GPI: variants seen among roughly 807,000 people sequenced by gnomAD.
GPI encodes glucose-6-phosphate isomerase.
Under a neutral mutation model 75.8 loss-of-function variants are expected in GPI, and 56 were observed. The observed-to-expected ratio is 0.74, with a 90% CI of 0.60 to 0.92. GPI has a LOEUF of 0.92. Ranked by LOEUF, GPI falls within the 40% of genes least tolerant of loss-of-function variation. The probability of loss-of-function intolerance (pLI) is 0.00; values close to 1 mark genes in which losing one functional copy is unlikely to be tolerated. For missense variants in GPI, 638 were observed against 741.0 expected (o/e 0.86, Z 1.61); for synonymous variants, 288 against 285.4 (o/e 1.01, Z -0.09).
chr19:34,365,007 G>A (rs559864276), upstream of GPI: 1 of 1,533,134 alleles, frequency 6.5e-7, no homozygotes, highest in Non-Finnish European at 8.7e-7. Context: ...CCAGCAAAGC[G>A]GCGGCGCAAG....
chr19:34,367,064 A>C lies in GPI; in HGVS notation c.282+213A>C, dbSNP rs8191363. On this transcript the variant is annotated intron_variant, in intron 3 of 17. Transcript: ENST00000356487. ...TGGTGAGCTCCTTGGAATGGTTCCC[A>C]GTGTCTGCCTGGGAGGAGCATATCT... 3.5e-3 allele frequency: 2,418 copies of C among 694,160 alleles called. 37 individuals are homozygous for C. The highest frequency in any genetic ancestry group is 0.034 in the African/African-American group (1,917 of 57,174). 43.0% of individuals were successfully genotyped at this position (694,160 alleles called of 1,614,324 possible).
intron 4 of GPI, 39 bp from the exon 5 acceptor site, chr19:34,377,464 T>C: frequency 5.5e-6 from 8 of 1,458,528 alleles, no homozygotes; most frequent in Non-Finnish European, 7.7e-6. Context: ...GGATTATGCC[T>C]GGGGGTTTGG....
chr19:34,390,226 G>C (rs939647083), intron 9 of GPI, among the ~76,000 whole-genome samples: 1 of 152,102 alleles, frequency 6.6e-6, no homozygotes, highest in African/African-American at 2.4e-5. Flanking sequence ...GAGGATGTGG[G>C]GCCTGGCACA....
intron 3 of GPI, among the ~76,000 whole-genome samples, chr19:34,367,566 A>T (rs2074385754): frequency 6.6e-6 from 1 of 152,184 alleles, no homozygotes; most frequent in African/African-American, 2.4e-5. Flanking sequence ...GTGGGGTGGC[A>T]TGAAGCCCTC....
Position 34,399,249 on chromosome 19 carries a change from A to G in GPI, c.1312A>G (p.Arg438Gly), listed in dbSNP as rs753561909. Reference sequence around the variant, plus strand: ...CTTGGCCCAGACAGAGGCCCTGATGAGGGGAAAATCGACGGAGGAGGCCCG... The same window carrying G: ...CTTGGCCCAGACAGAGGCCCTGATGGGGGGAAAATCGACGGAGGAGGCCCG... ...NFLAQTEALM[R>G]GKSTEEARKE... is the part of the protein sequence containing the mutation. The change falls in exon 15 of 18, where the codon AGG becomes GGG. Residue 438 changes from arginine (R) to glycine (G), a missense_variant. Physicochemically the swap from Arg to Gly is moderately radical, Grantham distance 125. Coordinates refer to ENST00000356487, the MANE Select transcript of GPI (RefSeq NM_000175.5). The G allele has an allele frequency of 6.2e-7, 1 of 1,613,828 alleles. No individual in the cohort carries two copies. The highest frequency in any genetic ancestry group is 1.7e-5 in the Admixed American group (1 of 60,026).
Position 34,377,736 on chromosome 19 carries a change from G to T in GPI, c.488G>T (p.Gly163Val). The change falls in exon 6 of 18, where the codon GGA becomes GTA. Residue 163 changes from glycine to valine, a missense_variant and splice_region_variant. Gly to Val is a moderately radical substitution (Grantham distance 109). Transcript: ENST00000356487. Reference protein sequence around the residue: ...INIGIGGSDLGPLMVTEALKP... With the variant: ...INIGIGGSDLVPLMVTEALKP... ...CTCTGATGCTATGTCTCCCCGCAGG[G>T]ACCCCTCATGGTGACTGAAGCCCTT... 1.2e-6 allele frequency: 2 copies of T among 1,613,912 alleles called. No homozygotes were observed. The highest frequency in any genetic ancestry group is 1.7e-6 in the Non-Finnish European group (2 of 1,179,920).
At chr19:34,383,143 A>G (rs1374407471) in intron 9 of GPI, among the ~76,000 whole-genome samples, 2 of 152,100 alleles carry the variant, frequency 1.3e-5, no homozygotes, top group African/African-American at 4.8e-5. Flanking sequence ...GGGTGTCGGG[A>G]TCAGGCAGGG....
chr19:34,384,008 G>T (rs2074695198), intron 9 of GPI, among the ~76,000 whole-genome samples: 2 of 152,166 alleles, frequency 1.3e-5, no homozygotes, highest in Admixed American at 1.3e-4. Context: ...TGTATGGCTG[G>T]GTTTCTAGGG....
chr19:34,381,490 G>C lies in GPI; in HGVS notation c.775G>C (p.Asp259His). The change falls in exon 9 of 18, where the codon GAC (aspartate) becomes CAC (histidine). Residue 259 changes from aspartate to histidine, a missense_variant. Asp to His is a moderately conservative substitution (Grantham distance 81). Coordinates refer to ENST00000356487, the MANE Select transcript of GPI (RefSeq NM_000175.5). Reference sequence around the variant, plus strand: ...GACCAAAGTGAAGGAGTTTGGAATTGACCCTCAAAACATGTTCGAGTTCTG... The same window carrying C: ...GACCAAAGTGAAGGAGTTTGGAATTCACCCTCAAAACATGTTCGAGTTCTG... The part of the protein sequence containing the change: ...NTTKVKEFGI[D>H]PQNMFEFWDW... 1.2e-6 allele frequency: 2 copies of C among 1,600,422 alleles called. No individual in the cohort carries two copies. Among genetic ancestry groups the C allele is most frequent in the East Asian group, 2.2e-5 (1 of 44,790 alleles).
chr19:34,362,046 C>T (rs563398612), upstream of GPI, among the ~76,000 whole-genome samples: 4 of 143,882 alleles, frequency 2.8e-5, no homozygotes, highest in East Asian at 4.2e-4. Context: ...ACCAGGGAGT[C>T]GGAGGTTGCA....
chr19:34,388,844 T>A (rs1327035662), intron 9 of GPI, among the ~76,000 whole-genome samples: 17 of 152,076 alleles, frequency 1.1e-4, no homozygotes, highest in Admixed American at 1.1e-3. Context: ...ATGGCTGTAA[T>A]CCCTGAGCTT....
At chr19:34,378,848 G>A in intron 6 of GPI, 86 bp from the exon 7 acceptor site, 4 of 934,030 alleles carry the variant, frequency 4.3e-6, no homozygotes, top group Non-Finnish European at 3.6e-6. Context: ...GCTGGGCATT[G>A]CCTTGGCCTC....
chr19:34,385,990 C>CCA (rs2074728872), intron 9 of GPI, among the ~76,000 whole-genome samples: 1 of 151,088 alleles, frequency 6.6e-6, no homozygotes, highest in African/African-American at 2.4e-5. Flanking sequence ...AGCTGGCCCA[C>CCA]TGGGTGTGGT....
chr19:34,374,769 G>A (rs374098273), intron 4 of GPI, among the ~76,000 whole-genome samples: 6 of 142,672 alleles, frequency 4.2e-5, no homozygotes, highest in East Asian at 2.0e-4. Context: ...TCACACTGTC[G>A]CCCAGGCTGG....
At chr19:34,386,008 G>A (rs953528052) in intron 9 of GPI, among the ~76,000 whole-genome samples, 2 of 151,578 alleles carry the variant, frequency 1.3e-5, no homozygotes, top group Admixed American at 1.3e-4. Context: ...GGTTTGAGGA[G>A]CCAGGGTAAG....
intron 9 of GPI, among the ~76,000 whole-genome samples, chr19:34,384,935 T>A (rs1363460959): frequency 6.7e-6 from 1 of 148,820 alleles, no homozygotes; most frequent in East Asian, 2.0e-4. Context: ...CCTAGCTACT[T>A]GGGAGGCTGA....
chr19:34,376,774 G>A (rs964008196), intron 4 of GPI, among the ~76,000 whole-genome samples: 11 of 151,890 alleles, frequency 7.2e-5, no homozygotes, highest in Admixed American at 1.3e-4. Context: ...ATAGCGAGGC[G>A]CGGTGGCTCA....
chr19:34,364,908 C>T (rs924683022), upstream of GPI: 2 of 1,427,670 alleles, frequency 1.4e-6, no homozygotes, highest in East Asian at 2.6e-5. Flanking sequence ...TGCAGCGGCG[C>T]GATGGTAGCT....
chr19:34,363,788 C>T (rs2074317400), upstream of GPI, among the ~76,000 whole-genome samples: 1 of 152,156 alleles, frequency 6.6e-6, no homozygotes, highest in Non-Finnish European at 1.5e-5. Flanking sequence ...CCACTGCACT[C>T]CAGCCTGGTG....
Sources: gnomAD v4.1 joint callset for allele counts (sites outside exome capture counted in the v4.1 genomes callset) on GRCh38, gnomAD v4.1.1 for gene constraint, MANE v1.5 for transcripts, NCBI Gene and HGNC (gene_info 2026-07-23, HGNC 2026-07-21) for gene names.